The following LTBP1 variants were observed in gnomAD, a reference collection of about 807,000 sequenced individuals.
The protein encoded by LTBP1 is latent-transforming growth factor beta-binding protein 1.
In LTBP1, 129 loss-of-function variants were observed where a neutral mutation model predicts 207.6. The observed-to-expected ratio is 0.62, with a 90% CI of 0.54 to 0.72. The LOEUF is 0.72. Among genes scored for constraint, LTBP1 ranks in the 30% least tolerant of loss-of-function variants. The pLI, the probability that LTBP1 is intolerant of heterozygous loss-of-function variation, is 0.00. For synonymous variants in LTBP1, 963 were observed against 833.7 expected, an observed-to-expected ratio of 1.16 and a Z score of -2.67; for missense variants, 2,281 against 2,217.2, an observed-to-expected ratio of 1.03 and a Z score of -0.58.
chr2:33,044,076 A>G (rs2149436568), intron 3 of LTBP1, among the ~76,000 whole-genome samples: 1 of 152,182 alleles, frequency 6.6e-6, no homozygotes, highest in South Asian at 2.1e-4. Flanking sequence ...AAAATGTTCA[A>G]AAGGAAAGCA....
chr2:33,090,521 G>A (rs532053517), intron 3 of LTBP1, among the ~76,000 whole-genome samples: 6 of 152,262 alleles, frequency 3.9e-5, no homozygotes, highest in East Asian at 3.9e-4. Context: ...AATGCTGTTC[G>A]TGAATTACCC....
intron 3 of LTBP1, among the ~76,000 whole-genome samples, chr2:33,051,461 C>T (rs769510589): frequency 1.3e-4 from 20 of 152,142 alleles, no homozygotes; most frequent in Non-Finnish European, 2.8e-4. Flanking sequence ...CTGTAGTCCT[C>T]TGCAATATTA....
intron 4 of LTBP1, among the ~76,000 whole-genome samples, chr2:33,126,965 A>G (rs2081472163): frequency 6.6e-6 from 1 of 152,254 alleles, no homozygotes; most frequent in Admixed American, 6.5e-5. Context: ...TTTTGTCTCC[A>G]TTGAATCCAT....
intron 9 of LTBP1, among the ~76,000 whole-genome samples, chr2:33,232,172 G>C (rs1312338646): frequency 6.6e-6 from 1 of 152,124 alleles, no homozygotes; most frequent in East Asian, 1.9e-4. Context: ...AGGGTGACCA[G>C]ACATTACCTA....
At chr2:33,111,510 G>C (rs1342718192) in intron 4 of LTBP1, among the ~76,000 whole-genome samples, 2 of 152,190 alleles carry the variant, frequency 1.3e-5, no homozygotes, top group East Asian at 3.8e-4. Flanking sequence ...AATGCCAGTT[G>C]TGAGGTGGGA....
chr2:33,282,034 A>G (rs1456283259), intron 19 of LTBP1, among the ~76,000 whole-genome samples: 1 of 148,224 alleles, frequency 6.7e-6, no homozygotes. Flanking sequence ...TATAAATAAT[A>G]CTAAATGAAT....
intron 10 of LTBP1, among the ~76,000 whole-genome samples, chr2:33,245,228 T>G (rs2092471250): frequency 6.6e-6 from 1 of 152,208 alleles, no homozygotes; most frequent in South Asian, 2.1e-4. Context: ...GAGCTGCATC[T>G]TTCTTGTCTA....
At chr2:33,215,941 C>G (rs2090663962) in intron 7 of LTBP1, among the ~76,000 whole-genome samples, 1 of 152,008 alleles carries the variant, frequency 6.6e-6, no homozygotes, top group Admixed American at 6.6e-5. Context: ...TCTCGATCTC[C>G]TGACCTCGTG....
rs200129992 is a variant in LTBP1, at chr2:33,034,855, T to TA, written c.863+13659dup. ...CAATCAATTAGTAGAAGGGTTTAAA[T>TA]AAAAAAAAAAGGATGCAATTTGAAC... On this transcript the variant is annotated intron_variant, in intron 3 of 33. Coordinates refer to ENST00000404816, the MANE Select transcript of LTBP1 (RefSeq NM_206943.4). Among the ~76,000 whole-genome samples the TA allele has an allele frequency of 3.0e-3, 444 of 147,828 alleles. 2 individuals are homozygous for TA. Among genetic ancestry groups the TA allele is most frequent in the Non-Finnish European group, 2.8e-3 (186 of 66,592 alleles).
At chr2:33,169,899 A>C (rs989776896) in intron 5 of LTBP1, among the ~76,000 whole-genome samples, 1 of 152,232 alleles carries the variant, frequency 6.6e-6, no homozygotes, top group Non-Finnish European at 1.5e-5. Flanking sequence ...ATCTTTAGTA[A>C]AGACATGCAA....
chr2:33,275,000 T>C lies in LTBP1; in HGVS notation c.2779T>C (p.Ser927Pro). The change falls in exon 17 of 34, where the codon TCC (serine) becomes CCC (proline). Residue 927 changes from serine (S) to proline (P), a missense_variant. By Grantham distance (74) the Ser-to-Pro change is moderately conservative. Coordinates refer to ENST00000404816, the MANE Select transcript of LTBP1 (RefSeq NM_206943.4). The part of the protein sequence containing the change: ...DECTQVQHLC[S>P]QGRCENTEGS... Reference sequence around the variant, plus strand: ...GTGTACTCAGGTCCAACACCTCTGCTCCCAGGGCCGCTGTGAAAACACCGA... The same window carrying C: ...GTGTACTCAGGTCCAACACCTCTGCCCCCAGGGCCGCTGTGAAAACACCGA... The C allele has an allele frequency of 6.2e-7, 1 of 1,614,120 alleles. No homozygotes were observed. Among genetic ancestry groups the C allele is most frequent in the Non-Finnish European group, 8.5e-7 (1 of 1,179,988 alleles).
intron 33 of LTBP1, 103 bp from the exon 34 acceptor site, chr2:33,398,261 T>G: frequency 9.6e-7 from 1 of 1,041,194 alleles, no homozygotes; most frequent in East Asian, 2.5e-5. Context: ...CGAGAAAGCT[T>G]CCTTGGGGTG....
intron 22 of LTBP1, among the ~76,000 whole-genome samples, chr2:33,305,603 A>G (rs1167883192): frequency 6.6e-6 from 1 of 152,156 alleles, no homozygotes; most frequent in Non-Finnish European, 1.5e-5. Flanking sequence ...CCCAAGATGA[A>G]TATTTGAAGG....
At chr2:33,202,056 CACACAG>C (rs1402102595) in intron 7 of LTBP1, among the ~76,000 whole-genome samples, 7 of 136,634 alleles carry the variant, frequency 5.1e-5, no homozygotes, top group South Asian at 4.7e-4. Flanking sequence ...CACACACACA[CACACAG>C]AGCATTCTAA....
intron 2 of LTBP1, among the ~76,000 whole-genome samples, chr2:32,964,874 T>C (rs1212822310): frequency 2.0e-5 from 3 of 151,982 alleles, no homozygotes; most frequent in Non-Finnish European, 4.4e-5. Context: ...ACCCCGTCTC[T>C]ACTAAAAATA....
At chr2:33,117,769 G>A (rs1203958879) in intron 4 of LTBP1, among the ~76,000 whole-genome samples, 1 of 152,108 alleles carries the variant, frequency 6.6e-6, no homozygotes, top group African/African-American at 2.4e-5. Flanking sequence ...AAATCCTTGG[G>A]GTGGCAACTG....
At chr2:33,340,197 G>T (rs1450172505) in intron 24 of LTBP1, among the ~76,000 whole-genome samples, 1 of 148,050 alleles carries the variant, frequency 6.8e-6, no homozygotes, top group Non-Finnish European at 1.5e-5. Flanking sequence ...GGTGGAGTTT[G>T]CAGTGAGCAG....
chr2:33,221,242 A>T (rs192020284), intron 8 of LTBP1, among the ~76,000 whole-genome samples: 1 of 152,294 alleles, frequency 6.6e-6, no homozygotes, highest in East Asian at 1.9e-4. Context: ...TTGCAGAAGA[A>T]TTCTTCCCTG....
At chr2:33,073,837 G>A (rs909234127) in intron 3 of LTBP1, among the ~76,000 whole-genome samples, 1 of 152,182 alleles carries the variant, frequency 6.6e-6, no homozygotes, top group African/African-American at 2.4e-5. Flanking sequence ...ATGTTGGCCA[G>A]GCTGGTCTCA....
Sources: gnomAD v4.1 joint callset for allele counts (sites outside exome capture counted in the v4.1 genomes callset) on GRCh38, gnomAD v4.1.1 for gene constraint, MANE v1.5 for transcripts, NCBI Gene and HGNC (gene_info 2026-07-23, HGNC 2026-07-21) for gene names.